TRAF3IP2: variants seen among roughly 807,000 people sequenced by gnomAD.
TRAF3IP2 encodes the protein E3 ubiquitin ligase TRAF3IP2.
Under a neutral mutation model 57.9 loss-of-function variants are expected in TRAF3IP2, and 35 were observed. The ratio of observed to expected loss-of-function variants is 0.60; its 90% CI spans 0.46 to 0.80. TRAF3IP2 has a LOEUF of 0.80. TRAF3IP2 is among the 30% of genes least tolerant of loss of function. The probability of loss-of-function intolerance (pLI) is 0.00; values close to 1 mark genes in which losing one functional copy is unlikely to be tolerated. For missense variants in TRAF3IP2, 556 were observed against 706.4 expected (o/e 0.79, Z 2.41); for synonymous variants, 251 against 268.9 (o/e 0.93, Z 0.65).
chr6:111,566,674 T>TGGCCC, intron 6 of TRAF3IP2, 114 bp from the exon 7 acceptor site: 1 of 909,098 alleles, frequency 1.1e-6, no homozygotes, highest in East Asian at 2.4e-5. Context: ...AGAGAAGCAC[T>TGGCCC]GGCCCCCACT....
Position 111,603,295 on chromosome 6 carries a change from G to A in TRAF3IP2, c.-9+2481C>T, listed in dbSNP as rs904773124. 3.9e-5 allele frequency among the ~76,000 whole-genome samples: 6 copies of A among 152,178 alleles called. 1 individual carries two copies. The highest frequency in any genetic ancestry group is 3.9e-4 in the Admixed American group (6 of 15,280). On this transcript the variant is annotated intron_variant, in intron 1 of 8. Transcript: ENST00000368761. ...GGAAGAAACAGGAGAGGCCCGGGGG[G>A]CAGCTTCTTGATTCCAGTCCTCAGA...
chr6:111,602,369 A>G (rs1211219230), intron 1 of TRAF3IP2: 1 of 150,192 alleles, frequency 6.7e-6, no homozygotes, highest in Non-Finnish European at 1.5e-5. Flanking sequence ...TTCAGATAAG[A>G]TGGTTTCTCT....
rs187931839 is a variant in TRAF3IP2, at chr6:111,586,650, G to A, written c.829+4608C>T. ...TATTTATTTATATATTCATTAATGGGTAAGGAAGTAATGCTCTTCTAAAGC... is the reference window on the plus strand; with the variant it reads ...TATTTATTTATATATTCATTAATGGATAAGGAAGTAATGCTCTTCTAAAGC... On this transcript the variant is annotated intron_variant, in intron 2 of 8. Transcript: ENST00000368761. 5.9e-5 allele frequency among the ~76,000 whole-genome samples: 9 copies of A among 152,232 alleles called. No individual in the cohort carries two copies. In the East Asian group the frequency reaches 1.7e-3, roughly 29 times the overall value.
At chr6:111,604,720 T>G (rs1015938937) in intron 1 of TRAF3IP2, among the ~76,000 whole-genome samples, 2 of 152,174 alleles carry the variant, frequency 1.3e-5, no homozygotes, top group Admixed American at 6.5e-5. Flanking sequence ...GAGCACCTAC[T>G]AGGCATTTGG....
intron 2 of TRAF3IP2, among the ~76,000 whole-genome samples, chr6:111,581,550 A>C (rs564540974): frequency 5.4e-4 from 83 of 152,316 alleles, no homozygotes; most frequent in Non-Finnish European, 1.0e-3. Flanking sequence ...GCTGATTATA[A>C]ATGTAATAAT....
chr6:111,587,127 A>G (rs2128380522), intron 2 of TRAF3IP2: 1 of 152,330 alleles, frequency 6.6e-6, no homozygotes, highest in South Asian at 2.1e-4. Flanking sequence ...GCCAAGGGAC[A>G]TGCAAGGTGA....
chr6:111,556,102 C>CAA lies in TRAF3IP2; in HGVS notation c.*3301_*3302dup, dbSNP rs35454154. 2.4e-5 allele frequency among the ~76,000 whole-genome samples: 3 copies of CAA among 122,592 alleles called. No individual in the cohort carries two copies. Among genetic ancestry groups the CAA allele is most frequent in the African/African-American group, 6.3e-5 (2 of 31,730 alleles). 80.4% of individuals were successfully genotyped at this position (122,592 alleles called of 152,430 possible). ...TGGGTGACAGAGCGAGACTACGTCT[C>CAA]AAAAAAAAAAAAAAAAAAATGCTTT... is the stretch of plus-strand genomic sequence containing the variant. On this transcript the variant is annotated 3_prime_UTR_variant, in exon 9 of 9. Transcript: ENST00000368761.
In TRAF3IP2 at chr6:111,580,186, G is replaced by T. The variant is rs774168856; in HGVS notation, c.1022+11C>A. 1 of 1,613,096 alleles carries T rather than the reference G, an allele frequency of 6.2e-7. No homozygotes were observed. The highest frequency in any genetic ancestry group is 1.7e-5 in the Admixed American group (1 of 59,804). On this transcript the variant is annotated intron_variant, in intron 3 of 8. Transcript: ENST00000368761. ...TTAAAAATGCCTGAAGGTTGGGCCT[G>T]TCATACTTACTGGTGCCTTGGAAGC...
rs1274004159 is a variant in TRAF3IP2, at chr6:111,559,086, A to G, written c.*319T>C. ...TTCCATTTGCTGCCACATCCCTTAC[A>G]TTATCTACTTGCTAAGCACTGAGAG... On this transcript the variant is annotated 3_prime_UTR_variant, in exon 9 of 9. Transcript: ENST00000368761. 1 of 254,134 alleles carries G rather than the reference A, an allele frequency of 3.9e-6. No individual in the cohort carries two copies. The highest frequency in any genetic ancestry group is 7.5e-6 in the Non-Finnish European group (1 of 133,512). 15.7% of individuals were successfully genotyped at this position (254,134 alleles called of 1,614,324 possible).
Position 111,559,438 on chromosome 6 carries a change from C to A in TRAF3IP2, c.1665G>T (p.Gly555=), listed in dbSNP as rs1795353168. ...GAACCACCTGAAGGGTGGGCAGAGG[C>A]CCCCGTGGAGGAGCCACATACTCTT... ...REEEYVAPPR[G]PLPTLQVVPL is the part of the protein sequence containing the mutation. Residue 555 remains glycine, a synonymous_variant, in exon 9 of 9, where the codon GGG becomes GGT. Transcript: ENST00000368761. 1 of 1,613,900 alleles carries A rather than the reference C, an allele frequency of 6.2e-7. No individual in the cohort carries two copies. The highest frequency in any genetic ancestry group is 8.5e-7 in the Non-Finnish European group (1 of 1,180,008).
chr6:111,576,984 G>A (rs1405096624), intron 3 of TRAF3IP2: 3 of 151,900 alleles, frequency 2.0e-5, no homozygotes, highest in African/African-American at 7.2e-5. Flanking sequence ...AAAGTCTTAT[G>A]TAACAGGATT....
intron 1 of TRAF3IP2, among the ~76,000 whole-genome samples, chr6:111,593,672 C>T (rs543383561): frequency 8.5e-5 from 13 of 152,244 alleles, no homozygotes; most frequent in East Asian, 1.9e-4. Context: ...CTCCTCCCTC[C>T]GTCTCTCCCT....
intron 3 of TRAF3IP2, among the ~76,000 whole-genome samples, chr6:111,578,754 G>T (rs769279629): frequency 9.9e-5 from 15 of 151,992 alleles, no homozygotes; most frequent in Non-Finnish European, 2.1e-4. Context: ...TTAATAAAGT[G>T]GGCTTTTTTT....
chr6:111,605,256 A>G (rs1424037883), intron 1 of TRAF3IP2, among the ~76,000 whole-genome samples: 2 of 152,210 alleles, frequency 1.3e-5, no homozygotes, highest in Non-Finnish European at 2.9e-5. Flanking sequence ...AGGGGCCGGG[A>G]GGCGGCTCAC....
Position 111,567,696 on chromosome 6 carries a change from C to CAAAA in TRAF3IP2, c.1291-8_1291-5dup. The CAAAA allele has an allele frequency of 6.5e-7, 1 of 1,536,830 alleles. No individual in the cohort carries two copies. The highest frequency in any genetic ancestry group is 8.8e-7 in the Non-Finnish European group (1 of 1,135,084). ...TTCTATCCTCAAATATGTCAATCTGCAAAAAAAAAGATGTGGGAGTTGGCC... is the reference window on the plus strand; with the variant it reads ...TTCTATCCTCAAATATGTCAATCTGCAAAAAAAAAAAAAGATGTGGGAGTTGGCC... On this transcript the variant is annotated splice_region_variant and splice_polypyrimidine_tract_variant and intron_variant, in intron 5 of 8. Transcript: ENST00000368761.
At chr6:111,567,457 T>C in intron 6 of TRAF3IP2, 167 bp downstream of exon 6, 1 of 1,321,354 alleles carries the variant, frequency 7.6e-7, no homozygotes, top group Non-Finnish European at 9.7e-7. Flanking sequence ...GGCGACTCCG[T>C]CCTTCCTTTC....
chr6:111,602,583 T>C (rs1301536193), intron 1 of TRAF3IP2, among the ~76,000 whole-genome samples: 3 of 152,052 alleles, frequency 2.0e-5, no homozygotes, highest in Non-Finnish European at 4.4e-5. Flanking sequence ...TTACTTGTAA[T>C]TTGTATGTAG....
chr6:111,594,576 A>G (rs1349580972), intron 1 of TRAF3IP2: 1 of 433,306 alleles, frequency 2.3e-6, no homozygotes, highest in Non-Finnish European at 4.6e-6. Flanking sequence ...CATCTCACAT[A>G]AACTGGAAAT....
In TRAF3IP2 at chr6:111,591,469, G is replaced by C; in HGVS notation, c.618C>G (p.Val206=). The C allele has an allele frequency of 4.4e-6, 7 of 1,600,760 alleles. No homozygotes were observed. The highest frequency in any genetic ancestry group is 6.0e-6 in the Non-Finnish European group (7 of 1,171,464). Residue 206 remains valine (V), a synonymous_variant, in exon 2 of 9, where the codon GTC becomes GTG. Transcript: ENST00000368761. The surrounding 1 kb of genome is among the most constrained non-coding windows in gnomAD (Gnocchi z 4.9). ...GCCTTTCCAGCTGCCTGATGCCCAGGACATCCTGGGGCTGGGAATCATATC... is the reference window on the plus strand; with the variant it reads ...GCCTTTCCAGCTGCCTGATGCCCAGCACATCCTGGGGCTGGGAATCATATC... ...DTGYDSQPQD[V]LGIRQLERPL...
Sources: allele counts gnomAD v4.1 joint callset (sites outside exome capture counted in the v4.1 genomes callset), GRCh38; gene constraint gnomAD v4.1.1; non-coding constraint Gnocchi (gnomAD v3.1); transcripts MANE v1.5; gene names NCBI Gene and HGNC (gene_info 2026-07-23, HGNC 2026-07-21).